The following SLC49A4 variants were observed in gnomAD, a reference collection of about 807,000 sequenced individuals.
SLC49A4 encodes solute carrier family 49 member 4, also known as disrupted in renal cancer protein 2.
In SLC49A4, 36 loss-of-function variants were observed where a neutral mutation model predicts 50.6. The ratio of observed to expected loss-of-function variants is 0.71; its 90% CI spans 0.55 to 0.94. SLC49A4 has a LOEUF of 0.94. Among genes scored for constraint, SLC49A4 ranks in the 40% least tolerant of loss-of-function variants. The pLI, the probability that SLC49A4 is intolerant of heterozygous loss-of-function variation, is 0.00. For missense variants in SLC49A4, 503 were observed against 605.7 expected, an observed-to-expected ratio of 0.83 and a Z score of 1.78; for synonymous variants, 248 against 241.2, an observed-to-expected ratio of 1.03 and a Z score of -0.26.
intron 5 of SLC49A4, among the ~76,000 whole-genome samples, chr3:122,855,229 A>G (rs1181361959): frequency 1.3e-5 from 2 of 152,236 alleles, no homozygotes; most frequent in South Asian, 2.1e-4. Flanking sequence ...ACCAGTAACT[A>G]TTTCCGAGCA....
At chr3:122,865,464 CTTTT>C (rs199747057) in intron 7 of SLC49A4, among the ~76,000 whole-genome samples, 1 of 151,274 alleles carries the variant, frequency 6.6e-6, no homozygotes, top group African/African-American at 2.4e-5. Context: ...ACAGCAGTCA[CTTTT>C]TTTTTAGGAA....
At chr3:122,837,222 A>G (rs1936699824) in intron 4 of SLC49A4, among the ~76,000 whole-genome samples, 2 of 152,218 alleles carry the variant, frequency 1.3e-5, no homozygotes, top group South Asian at 2.1e-4. Context: ...TTTAAAGTTC[A>G]TATGGAACCA....
At chr3:122,847,201 ATCCTTATAAAG>A (rs202190926) in intron 5 of SLC49A4, among the ~76,000 whole-genome samples, 1,746 of 152,262 alleles carry the variant, frequency 0.011, 107 homozygotes, top group Admixed American at 0.1. Context: ...TTGGAGATCT[ATCCTTATAAAG>A]TACAAAATGA....
chr3:122,854,667 A>G (rs1002550983), intron 5 of SLC49A4, among the ~76,000 whole-genome samples: 1 of 152,256 alleles, frequency 6.6e-6, no homozygotes, highest in African/African-American at 2.4e-5. Context: ...GCTCACTTCC[A>G]TTAATGAGAA....
chr3:122,804,839 A>G (rs186344811), intron 1 of SLC49A4, among the ~76,000 whole-genome samples: 2 of 152,346 alleles, frequency 1.3e-5, no homozygotes, highest in African/African-American at 4.8e-5. Flanking sequence ...AAAAGTTTAT[A>G]TTAGCTGTTG....
intron 1 of SLC49A4, among the ~76,000 whole-genome samples, chr3:122,803,429 G>A (rs1936162806): frequency 6.6e-6 from 1 of 152,178 alleles, no homozygotes. Flanking sequence ...ATTAGGGGAT[G>A]TATAAAGCCA....
chr3:122,838,890 C>G (rs1275194866), intron 4 of SLC49A4, among the ~76,000 whole-genome samples: 1 of 151,750 alleles, frequency 6.6e-6, no homozygotes, highest in African/African-American at 2.4e-5. Context: ...AAAAAAAATC[C>G]TAAAATTCAT....
At chr3:122,815,824 G>A (rs1299556397) in intron 2 of SLC49A4, among the ~76,000 whole-genome samples, 1 of 152,142 alleles carries the variant, frequency 6.6e-6, no homozygotes, top group South Asian at 2.1e-4. Flanking sequence ...AGTGGTTGTT[G>A]GACATTTCAC....
At chr3:122,819,514 C>T (rs1227836217) in intron 2 of SLC49A4, among the ~76,000 whole-genome samples, 1 of 152,020 alleles carries the variant, frequency 6.6e-6, no homozygotes, top group Admixed American at 6.6e-5. Flanking sequence ...GCTGCAGGTG[C>T]CTTGACCATA....
At chr3:122,798,904 G>C (rs77897827) in intron 1 of SLC49A4, among the ~76,000 whole-genome samples, 5 of 152,072 alleles carry the variant, frequency 3.3e-5, no homozygotes, top group South Asian at 2.1e-4. Flanking sequence ...TGCACCCTGG[G>C]GGGTAGGTGG....
intron 2 of SLC49A4, among the ~76,000 whole-genome samples, chr3:122,814,827 C>T (rs1386435341): frequency 6.6e-6 from 1 of 151,288 alleles, no homozygotes; most frequent in Non-Finnish European, 1.5e-5. Flanking sequence ...AGCTGTCATT[C>T]GTGTTAGTGT....
chr3:122,821,436 T>A (rs1194907574), intron 2 of SLC49A4, among the ~76,000 whole-genome samples: 1 of 151,660 alleles, frequency 6.6e-6, no homozygotes, highest in East Asian at 1.9e-4. Context: ...CAGGAGAGAG[T>A]TAAGGAGTCA....
rs577018769 is a variant in SLC49A4 at position 122,795,090 on chromosome 3, C to T, written c.-103C>T. On this transcript the variant is annotated 5_prime_UTR_variant, in exon 1 of 9. Coordinates refer to ENST00000261038, the MANE Select transcript of SLC49A4 (RefSeq NM_032839.3). The stretch of plus-strand genomic sequence containing the variant: ...GCGCGGTCCGGAGGCCGAGGGCGAC[C>T]ACAGCAGCCTCCGCCTCCTGCTGCT... 7.5e-6 allele frequency: 9 copies of T among 1,202,894 alleles called. No individual in the cohort carries two copies. The African/African-American group carries it at 7.9e-5, about 11-fold the overall frequency. 74.5% of individuals were successfully genotyped at this position (1,202,894 alleles called of 1,614,324 possible).
chr3:122,873,225 G>A (rs2107584604), intron 8 of SLC49A4, among the ~76,000 whole-genome samples: 1 of 152,050 alleles, frequency 6.6e-6, no homozygotes, highest in South Asian at 2.1e-4. Flanking sequence ...GGTTGCCCAG[G>A]CTGGAGTGCA....
intron 4 of SLC49A4, among the ~76,000 whole-genome samples, chr3:122,840,336 A>G (rs1408170370): frequency 6.6e-6 from 1 of 152,228 alleles, no homozygotes; most frequent in Non-Finnish European, 1.5e-5. Context: ...ACCGCTATCC[A>G]ATTCATCCTT....
At chr3:122,811,346 C>T (rs1936295107) in intron 2 of SLC49A4, among the ~76,000 whole-genome samples, 1 of 152,124 alleles carries the variant, frequency 6.6e-6, no homozygotes, top group Non-Finnish European at 1.5e-5. Context: ...GAATATTCAG[C>T]TTTCGTCATA....
chr3:122,848,447 GTT>G (rs1168240775), intron 5 of SLC49A4, among the ~76,000 whole-genome samples: 1 of 151,974 alleles, frequency 6.6e-6, no homozygotes, highest in Non-Finnish European at 1.5e-5. Context: ...TAGGATTTCT[GTT>G]AGAGTTTTTA....
intron 8 of SLC49A4, among the ~76,000 whole-genome samples, chr3:122,874,324 G>C (rs181359249): frequency 6.6e-6 from 1 of 152,176 alleles, no homozygotes; most frequent in African/African-American, 2.4e-5. Flanking sequence ...AAATGGAACC[G>C]ACGTCAGTCA....
At chr3:122,798,521 T>C (rs1936082874) in intron 1 of SLC49A4, among the ~76,000 whole-genome samples, 1 of 151,926 alleles carries the variant, frequency 6.6e-6, no homozygotes, top group Non-Finnish European at 1.5e-5. Flanking sequence ...TCATTTTTAG[T>C]AGAAGAAAGC....
Sources: allele counts gnomAD v4.1 joint callset (sites outside exome capture counted in the v4.1 genomes callset), GRCh38; gene constraint gnomAD v4.1.1; transcripts MANE v1.5; gene names NCBI Gene and HGNC (gene_info 2026-07-23, HGNC 2026-07-21).